The following SORCS3 variants were observed in gnomAD, a reference collection of about 807,000 sequenced individuals.
The protein encoded by SORCS3 is VPS10 domain-containing receptor SorCS3.
Under a neutral mutation model 146.3 loss-of-function variants are expected in SORCS3, and 57 were observed. That is an observed-to-expected ratio of 0.39 (90% confidence interval 0.31 to 0.49). SORCS3 has a LOEUF of 0.49. SORCS3 is among the 20% of genes least tolerant of loss of function. The pLI is 0.92. For synonymous variants in SORCS3, 653 were observed against 618.5 expected (o/e 1.06, Z -0.83); for missense variants, 1,341 against 1,575.5 (o/e 0.85, Z 2.52).
At chr10:104,996,096 C>G (rs958215662) in intron 4 of SORCS3, among the ~76,000 whole-genome samples, 7 of 152,182 alleles carry the variant, frequency 4.6e-5, no homozygotes, top group African/African-American at 4.8e-5. Flanking sequence ...TGTCTGGACT[C>G]TATTCTGTTC....
chr10:104,921,096 T>C (rs1589549996), intron 3 of SORCS3, among the ~76,000 whole-genome samples: 1 of 152,158 alleles, frequency 6.6e-6, no homozygotes, highest in African/African-American at 2.4e-5. Context: ...TCCATTATGG[T>C]GGGGCTAGTA....
intron 3 of SORCS3, among the ~76,000 whole-genome samples, chr10:104,965,077 G>T (rs2054818763): frequency 6.6e-6 from 1 of 152,120 alleles, no homozygotes; most frequent in Non-Finnish European, 1.5e-5. Flanking sequence ...ATATTCCATT[G>T]TAGTGTATAC....
At chr10:104,748,497 A>G (rs1296172243) in intron 1 of SORCS3, among the ~76,000 whole-genome samples, 1 of 152,210 alleles carries the variant, frequency 6.6e-6, no homozygotes, top group African/African-American at 2.4e-5. Context: ...TAGGTATTTC[A>G]GGAAAAAACT....
At chr10:104,743,463 A>G (rs544826371) in intron 1 of SORCS3, among the ~76,000 whole-genome samples, 9 of 152,328 alleles carry the variant, frequency 5.9e-5, no homozygotes, top group East Asian at 3.9e-4. Context: ...TCTCGGCTCA[A>G]TGGTCTCATG....
intron 1 of SORCS3, among the ~76,000 whole-genome samples, chr10:104,670,948 T>G (rs1290677216): frequency 1.3e-5 from 2 of 152,212 alleles, no homozygotes; most frequent in African/African-American, 4.8e-5. Context: ...ATTGTTTTCA[T>G]AATTTTCTTT....
intron 5 of SORCS3, among the ~76,000 whole-genome samples, chr10:105,050,206 A>C (rs1178712969): frequency 1.3e-5 from 2 of 152,094 alleles, no homozygotes; most frequent in Non-Finnish European, 2.9e-5. Context: ...AGTGGGCTCC[A>C]CTGATCTCTG....
At chr10:105,038,791 A>G (rs866402398) in intron 4 of SORCS3, among the ~76,000 whole-genome samples, 3 of 152,212 alleles carry the variant, frequency 2.0e-5, no homozygotes, top group Non-Finnish European at 2.9e-5. Context: ...TAATAATGTC[A>G]TGAGAATTTT....
intron 1 of SORCS3, among the ~76,000 whole-genome samples, chr10:104,697,409 AT>A (rs2016229533): frequency 6.6e-6 from 1 of 152,166 alleles, no homozygotes; most frequent in South Asian, 2.1e-4. Context: ...CTAGAGGCTG[AT>A]TTTTCAGGAG....
chr10:105,227,985 T>TTGTGTGTGTGTGTG lies in SORCS3; in HGVS notation c.2868+4772_2868+4785dup, dbSNP rs59033040. On this transcript the variant is annotated intron_variant, in intron 20 of 26. Transcript: ENST00000369701. ...TTGTAGGCAGCATATTGTGGTCATTTTGTGTGTGTGTGTGTGTGTGTGTGT... is the reference window on the plus strand; with the variant it reads ...TTGTAGGCAGCATATTGTGGTCATTTTGTGTGTGTGTGTGTGTGTGTGTGTGTGTGTGTGTGTGT... 4.3e-4 allele frequency among the ~76,000 whole-genome samples: 55 copies of TTGTGTGTGTGTGTG among 128,916 alleles called. 1 individual carries two copies. Among genetic ancestry groups the TTGTGTGTGTGTGTG allele is most frequent in the Admixed American group, 1.4e-3 (18 of 12,700 alleles). 84.6% of individuals were successfully genotyped at this position (128,916 alleles called of 152,430 possible). A position where few individuals can be genotyped will look rare whatever the true frequency, so the allele number is the denominator to read the frequency against.
At chr10:104,835,206 C>T (rs942611533) in intron 1 of SORCS3, among the ~76,000 whole-genome samples, 2 of 152,118 alleles carry the variant, frequency 1.3e-5, no homozygotes, top group Non-Finnish European at 2.9e-5. Context: ...GGAGGCTCCT[C>T]TAGGTGGGAG....
At chr10:104,659,942 G>C (rs1160642996) in intron 1 of SORCS3, among the ~76,000 whole-genome samples, 1 of 152,156 alleles carries the variant, frequency 6.6e-6, no homozygotes, top group Non-Finnish European at 1.5e-5. Flanking sequence ...CCCAGGATCG[G>C]GGAGGGAGGA....
chr10:104,946,837 A>C (rs184322733), intron 3 of SORCS3, among the ~76,000 whole-genome samples: 6 of 152,110 alleles, frequency 3.9e-5, no homozygotes, highest in African/African-American at 1.4e-4. Flanking sequence ...TAATAGGTTT[A>C]TGTTTCTTTA....
intron 1 of SORCS3, among the ~76,000 whole-genome samples, chr10:104,729,207 T>C (rs2016678465): frequency 6.6e-6 from 1 of 152,216 alleles, no homozygotes; most frequent in Non-Finnish European, 1.5e-5. Context: ...AAGAAGCACA[T>C]GTTGTTCAGC....
At chr10:104,688,373 G>T (rs1019442953) in intron 1 of SORCS3, among the ~76,000 whole-genome samples, 4 of 152,236 alleles carry the variant, frequency 2.6e-5, no homozygotes, top group East Asian at 1.9e-4. Flanking sequence ...CAGTTGGAGG[G>T]GGGGACCCAG....
intron 1 of SORCS3, among the ~76,000 whole-genome samples, chr10:104,694,219 G>C (rs764176825): frequency 8.6e-5 from 13 of 151,176 alleles, no homozygotes; most frequent in African/African-American, 2.9e-4. Context: ...TTCAGCCCAA[G>C]TTTTAAAGGT....
At chr10:104,879,243 G>T (rs1188474521) in intron 2 of SORCS3, among the ~76,000 whole-genome samples, 1 of 152,142 alleles carries the variant, frequency 6.6e-6, no homozygotes, top group East Asian at 1.9e-4. Flanking sequence ...GGTGAAGTAG[G>T]CTGTGTTCCT....
intron 4 of SORCS3, among the ~76,000 whole-genome samples, chr10:104,979,123 A>G (rs2054918683): frequency 1.3e-5 from 2 of 152,160 alleles, no homozygotes; most frequent in Admixed American, 1.3e-4. Context: ...AGCACTATGT[A>G]TCCCTCATTC....
chr10:105,056,817 C>G (rs1343875855), intron 5 of SORCS3, among the ~76,000 whole-genome samples: 1 of 152,180 alleles, frequency 6.6e-6, no homozygotes, highest in Non-Finnish European at 1.5e-5. Context: ...AAAAACTAAA[C>G]TGAAGATAAT....
At chr10:105,013,160 A>G (rs1229525227) in intron 4 of SORCS3, among the ~76,000 whole-genome samples, 2 of 152,208 alleles carry the variant, frequency 1.3e-5, no homozygotes, top group Non-Finnish European at 2.9e-5. Context: ...TGGAACACTC[A>G]TTAATGATTT....
Sources: gnomAD v4.1 joint callset for allele counts (sites outside exome capture counted in the v4.1 genomes callset) on GRCh38, gnomAD v4.1.1 for gene constraint, MANE v1.5 for transcripts, NCBI Gene and HGNC (gene_info 2026-07-23, HGNC 2026-07-21) for gene names.